The following SLC25A21 variants were observed in gnomAD, a reference collection of about 807,000 sequenced individuals.
SLC25A21 encodes the protein solute carrier family 25 member 21.
In SLC25A21, 47 loss-of-function variants were observed where a neutral mutation model predicts 43.8. That is an observed-to-expected ratio of 1.07 (90% CI 0.85 to 1.37). The LOEUF (loss-of-function observed/expected upper bound fraction) is 1.37. Among genes scored for constraint, SLC25A21 ranks in the 40% most tolerant of loss-of-function variants. The probability of loss-of-function intolerance (pLI) is 0.00; values close to 1 mark genes in which losing one functional copy is unlikely to be tolerated. For missense variants in SLC25A21, 352 were observed against 350.2 expected (o/e 1.00, Z -0.04); for synonymous variants, 131 against 121.3 (o/e 1.08, Z -0.52).
chr14:36,917,932 T>C (rs1319969137), intron 1 of SLC25A21, among the ~76,000 whole-genome samples: 1 of 152,136 alleles, frequency 6.6e-6, no homozygotes, highest in African/African-American at 2.4e-5. Flanking sequence ...AAAATGAAAC[T>C]GGCATCATAG....
chr14:36,752,875 C>T (rs982909781), intron 3 of SLC25A21, among the ~76,000 whole-genome samples: 8 of 152,164 alleles, frequency 5.3e-5, no homozygotes, highest in East Asian at 1.9e-4. Flanking sequence ...TGAAGAAGGA[C>T]GTGTTTGCTT....
chr14:36,933,093 T>G (rs541125190), intron 1 of SLC25A21, among the ~76,000 whole-genome samples: 1 of 152,200 alleles, frequency 6.6e-6, no homozygotes, highest in South Asian at 2.1e-4. Context: ...CAGGGTGAGA[T>G]GAATAACTAA....
chr14:36,890,973 A>C (rs2138582592), intron 1 of SLC25A21, among the ~76,000 whole-genome samples: 1 of 152,358 alleles, frequency 6.6e-6, no homozygotes, highest in South Asian at 2.1e-4. Context: ...AAGACGGGTT[A>C]CTTTTCTAAG....
At chr14:36,896,178 T>A (rs897837698) in intron 1 of SLC25A21, among the ~76,000 whole-genome samples, 2 of 152,166 alleles carry the variant, frequency 1.3e-5, no homozygotes, top group African/African-American at 2.4e-5. Context: ...GGAGTCTAAG[T>A]CTCTTTGTAG....
At chr14:37,058,458 T>G (rs1231246583) in intron 1 of SLC25A21, among the ~76,000 whole-genome samples, 3 of 152,232 alleles carry the variant, frequency 2.0e-5, no homozygotes, top group Non-Finnish European at 4.4e-5. Flanking sequence ...ATATTTCTTT[T>G]AAATCCAGAT....
rs545345577 is a variant in SLC25A21, at chr14:36,876,941, A to G, written c.71-1937T>C. On this transcript the variant is annotated intron_variant, in intron 1 of 9. Coordinates refer to ENST00000331299, the MANE Select transcript of SLC25A21 (RefSeq NM_030631.4). The stretch of plus-strand genomic sequence containing the variant: ...GATAGATAGATAGATAGATAGATAC[A>G]CACACACACATACATATACATATAT... 8.3e-5 allele frequency among the ~76,000 whole-genome samples: 6 copies of G among 71,998 alleles called. No individual in the cohort carries two copies. The South Asian group carries it at 2.6e-3, about 31-fold the overall frequency. 47.2% of individuals were successfully genotyped at this position (71,998 alleles called of 152,430 possible).
intron 1 of SLC25A21, among the ~76,000 whole-genome samples, chr14:37,113,784 G>A (rs1212150681): frequency 1.3e-5 from 2 of 150,678 alleles, no homozygotes; most frequent in Non-Finnish European, 2.9e-5. Context: ...AACCCGGGAG[G>A]TGGAGCATGC....
chr14:37,054,066 T>C (rs535126527), intron 1 of SLC25A21, among the ~76,000 whole-genome samples: 1 of 152,328 alleles, frequency 6.6e-6, no homozygotes, highest in Admixed American at 6.5e-5. Context: ...AGCAATACAA[T>C]GAAGTGGAAA....
At chr14:37,147,093 T>C (rs1473676126) in intron 1 of SLC25A21, among the ~76,000 whole-genome samples, 1 of 152,196 alleles carries the variant, frequency 6.6e-6, no homozygotes, top group Non-Finnish European at 1.5e-5. Flanking sequence ...TGAGACCCTC[T>C]AGAACTCCTT....
chr14:37,132,652 C>G (rs1012788951), intron 1 of SLC25A21, among the ~76,000 whole-genome samples: 4 of 152,020 alleles, frequency 2.6e-5, no homozygotes, highest in African/African-American at 9.7e-5. Context: ...ATGTCTCTTT[C>G]TTTTCCCTCT....
intron 9 of SLC25A21, 50 bp from the exon 10 acceptor site, chr14:36,680,769 T>A (rs769106564): frequency 1.3e-6 from 2 of 1,557,514 alleles, no homozygotes; most frequent in South Asian, 1.1e-5. Context: ...GGAATAGCAC[T>A]GGCTTTCCCA....
intron 3 of SLC25A21, among the ~76,000 whole-genome samples, chr14:36,764,757 G>A (rs1411171459): frequency 1.3e-5 from 2 of 152,150 alleles, no homozygotes; most frequent in African/African-American, 4.8e-5. Context: ...CAGCAGGGGA[G>A]GCAGCAACTG....
chr14:36,962,986 T>G (rs1313419822), intron 1 of SLC25A21, among the ~76,000 whole-genome samples: 1 of 152,238 alleles, frequency 6.6e-6, no homozygotes, highest in African/African-American at 2.4e-5. Context: ...TAGAACCCTT[T>G]GTATGCATAG....
intron 3 of SLC25A21, among the ~76,000 whole-genome samples, chr14:36,810,866 C>G (rs1296925193): frequency 6.6e-6 from 1 of 151,834 alleles, no homozygotes; most frequent in Non-Finnish European, 1.5e-5. Context: ...TTTTATACAG[C>G]ATATGTAGAG....
In SLC25A21 at chr14:36,943,243, T is replaced by G. The variant is rs545320141; in HGVS notation, c.71-68239A>C. On this transcript the variant is annotated intron_variant, in intron 1 of 9. Transcript: ENST00000331299. ...TCTCACTCTGTCACCCAGGCTGAAG[T>G]GCAGTGGTGCAATCTCAACTCACTG... is the stretch of plus-strand genomic sequence containing the variant. Among the ~76,000 whole-genome samples the G allele has an allele frequency of 3.9e-5, 6 of 152,304 alleles. No homozygotes were observed. The East Asian group carries it at 9.7e-4, about 25-fold the overall frequency.
chr14:36,865,922 T>C (rs1452516147), intron 2 of SLC25A21, among the ~76,000 whole-genome samples: 3 of 152,176 alleles, frequency 2.0e-5, no homozygotes, highest in Non-Finnish European at 4.4e-5. Flanking sequence ...TAATATGTTT[T>C]GAGAGAAGTA....
At chr14:36,752,085 G>A (rs189987563) in intron 3 of SLC25A21, among the ~76,000 whole-genome samples, 13 of 152,216 alleles carry the variant, frequency 8.5e-5, no homozygotes, top group African/African-American at 2.9e-4. Context: ...CGTCCTGCTG[G>A]GGAGCCAGGC....
intron 7 of SLC25A21, among the ~76,000 whole-genome samples, chr14:36,685,576 T>A (rs534275532): frequency 1.3e-4 from 20 of 152,180 alleles, no homozygotes; most frequent in Non-Finnish European, 1.9e-4. Context: ...GAATTTACAA[T>A]CCATTGTTTT....
At chr14:37,170,850 T>G (rs1964112119) in intron 1 of SLC25A21, among the ~76,000 whole-genome samples, 1 of 151,238 alleles carries the variant, frequency 6.6e-6, no homozygotes, top group African/African-American at 2.4e-5. Flanking sequence ...CTCTGGAAGC[T>G]GCAGTGAGAG....
Sources: gnomAD v4.1 joint callset for allele counts (sites outside exome capture counted in the v4.1 genomes callset) on GRCh38, gnomAD v4.1.1 for gene constraint, MANE v1.5 for transcripts, NCBI Gene and HGNC (gene_info 2026-07-23, HGNC 2026-07-21) for gene names.